The following NREP variants were observed in gnomAD, a reference collection of about 807,000 sequenced individuals.
NREP encodes the protein neuronal regeneration-related protein.
Under a neutral mutation model 8.6 loss-of-function variants are expected in NREP, and 5 were observed. That is an observed-to-expected ratio of 0.58 (90% CI 0.30 to 1.22). NREP has a LOEUF of 1.22. NREP is among the 50% of genes most tolerant of loss of function. The pLI is 0.07. For synonymous variants in NREP, 27 were observed against 28.0 expected (o/e 0.96, Z 0.11); for missense variants, 86 against 82.5 (o/e 1.04, Z -0.17).
chr5:111,932,761 G>A (rs73787738), intron 2 of NREP, among the ~76,000 whole-genome samples: 2,580 of 152,110 alleles, frequency 0.017, 38 homozygotes, highest in African/African-American at 0.04. Context: ...AAAAGGTCAC[G>A]TAATTCACCT....
intron 2 of NREP, among the ~76,000 whole-genome samples, chr5:111,811,045 T>C (rs533018429): frequency 7.9e-5 from 12 of 152,326 alleles, no homozygotes; most frequent in African/African-American, 2.9e-4. Flanking sequence ...TAAAACCACA[T>C]ACTGTTGAGA....
intron 2 of NREP, among the ~76,000 whole-genome samples, chr5:111,968,229 G>T (rs980784078): frequency 6.6e-6 from 1 of 151,668 alleles, no homozygotes; most frequent in South Asian, 2.1e-4. Context: ...TTAAAAAAAA[G>T]GTACTTCAGG....
chr5:111,909,800 T>C (rs17133873), intron 2 of NREP, among the ~76,000 whole-genome samples: 10,594 of 152,178 alleles, frequency 0.07, 880 homozygotes, highest in East Asian at 0.23. Flanking sequence ...CAGCCTTTTC[T>C]ATCAACACCA....
intron 2 of NREP, among the ~76,000 whole-genome samples, chr5:111,973,398 A>C (rs1756875399): frequency 6.6e-6 from 1 of 152,130 alleles, no homozygotes; most frequent in African/African-American, 2.4e-5. Context: ...TTTCTCCCAC[A>C]TTTCCTGAGC....
chr5:111,754,521 C>T (rs923291054), intron 2 of NREP, among the ~76,000 whole-genome samples: 1 of 152,212 alleles, frequency 6.6e-6, no homozygotes, highest in African/African-American at 2.4e-5. Context: ...AAATACTTTA[C>T]AGCAGTTGAT....
intron 2 of NREP, among the ~76,000 whole-genome samples, chr5:111,838,828 A>G (rs1485674375): frequency 6.6e-6 from 1 of 152,094 alleles, no homozygotes; most frequent in Non-Finnish European, 1.5e-5. Context: ...ATAAAAACAC[A>G]TATATAGAAA....
chr5:111,903,444 G>A (rs1467511391), intron 2 of NREP, among the ~76,000 whole-genome samples: 2 of 152,020 alleles, frequency 1.3e-5, no homozygotes, highest in African/African-American at 4.8e-5. Flanking sequence ...GAATTAAACC[G>A]TTGGTAATTA....
chr5:111,843,509 T>C (rs925924541), intron 2 of NREP, among the ~76,000 whole-genome samples: 1 of 152,102 alleles, frequency 6.6e-6, no homozygotes, highest in Admixed American at 6.6e-5. Flanking sequence ...ATTAAGATGA[T>C]TATTTTTAAT....
intron 2 of NREP, among the ~76,000 whole-genome samples, chr5:111,883,170 T>C (rs1754134926): frequency 6.6e-6 from 1 of 152,182 alleles, no homozygotes; most frequent in Non-Finnish European, 1.5e-5. Flanking sequence ...AGGCAGGGGT[T>C]GCAATGCTAG....
intron 2 of NREP, among the ~76,000 whole-genome samples, chr5:111,821,922 C>A (rs1052447429): frequency 6.6e-6 from 1 of 152,056 alleles, no homozygotes; most frequent in Non-Finnish European, 1.5e-5. Flanking sequence ...AGTAATATTA[C>A]GTAGAATATG....
Position 111,878,663 on chromosome 5 carries a change from G to A in NREP, c.135+96611C>T, listed in dbSNP as rs1459686488. Among the ~76,000 whole-genome samples the A allele has an allele frequency of 3.3e-5, 5 of 152,298 alleles. No homozygotes were observed. In the East Asian group the frequency reaches 9.7e-4, roughly 29 times the overall value. On this transcript the variant is annotated intron_variant, in intron 2 of 3. Coordinates refer to the NREP transcript ENST00000395634. ...GTTTGCCGTTGTCTTAAAGGCCTTA[G>A]AAAAGGCACTGTTCAGAAGACAGCA...
Position 111,741,830 on chromosome 5 carries a change from C to CAGACACAG in NREP, c.4-6324_4-6323insCTGTGTCT, listed in dbSNP as rs1554095247. On this transcript the variant is annotated intron_variant, in intron 2 of 3. Coordinates refer to ENST00000257435, the MANE Select transcript of NREP (RefSeq NM_004772.4). ...CCTAATTTAAACACACACATACACA[C>CAGACACAG]ACACACACACACACACACACACACA... is the stretch of plus-strand genomic sequence containing the variant. Among the ~76,000 whole-genome samples the CAGACACAG allele has an allele frequency of 1.0e-3, 148 of 148,576 alleles. 2 individuals carry two copies. Among genetic ancestry groups the CAGACACAG allele is most frequent in the African/African-American group, 3.4e-3 (138 of 40,230 alleles).
chr5:111,880,217 T>C (rs1460150361), intron 2 of NREP, among the ~76,000 whole-genome samples: 2 of 152,200 alleles, frequency 1.3e-5, no homozygotes, highest in African/African-American at 2.4e-5. Context: ...ACCTACCTCA[T>C]TGGGTTATGA....
chr5:111,744,009 G>C (rs1236319436), intron 2 of NREP, among the ~76,000 whole-genome samples: 1 of 152,060 alleles, frequency 6.6e-6, no homozygotes, highest in African/African-American at 2.4e-5. Context: ...TATTTATTTA[G>C]ACATAGGATT....
intron 2 of NREP, among the ~76,000 whole-genome samples, chr5:111,969,756 A>G (rs1178821418): frequency 6.6e-6 from 1 of 152,172 alleles, no homozygotes; most frequent in African/African-American, 2.4e-5. Context: ...GGTTGGACTT[A>G]AGTCCTAGAG....
Position 111,863,000 on chromosome 5 carries a change from A to G in NREP, c.135+112274T>C, listed in dbSNP as rs565904282. ...GATACTGCTTCTAAGAGCAATGGCCATTAAGAGTGTTTAATTAGGGAATGG... is the reference window on the plus strand; with the variant it reads ...GATACTGCTTCTAAGAGCAATGGCCGTTAAGAGTGTTTAATTAGGGAATGG... On this transcript the variant is annotated intron_variant, in intron 2 of 3. Coordinates refer to the NREP transcript ENST00000395634. Among the ~76,000 whole-genome samples, 8 of 151,460 alleles carry G rather than the reference A, an allele frequency of 5.3e-5. No individual in the cohort carries two copies. The East Asian group carries it at 9.7e-4, about 18-fold the overall frequency.
intron 2 of NREP, among the ~76,000 whole-genome samples, chr5:111,850,435 C>T (rs1296447185): frequency 6.6e-6 from 1 of 152,050 alleles, no homozygotes; most frequent in East Asian, 1.9e-4. Context: ...CTATCATTTC[C>T]AAACCATCAT....
upstream of NREP, chr5:111,758,022 G>C (rs1750845004): frequency 6.1e-6 from 6 of 985,440 alleles, no homozygotes; most frequent in South Asian, 1.4e-4. Flanking sequence ...TGTCCTGAGC[G>C]AAGCAGAAAA....
At chr5:111,853,214 A>G (rs1184536817) in intron 2 of NREP, among the ~76,000 whole-genome samples, 16 of 152,138 alleles carry the variant, frequency 1.1e-4, no homozygotes, top group Non-Finnish European at 2.9e-5. Flanking sequence ...AGAAAAATCA[A>G]TGATTTCCAG....
Sources: allele counts gnomAD v4.1 joint callset (sites outside exome capture counted in the v4.1 genomes callset), GRCh38; gene constraint gnomAD v4.1.1; transcripts MANE v1.5; gene names NCBI Gene and HGNC (gene_info 2026-07-23, HGNC 2026-07-21).